PACRG: variants seen among roughly 807,000 people sequenced by gnomAD.
PACRG encodes the protein parkin coregulated gene protein.
PACRG carries 29 observed loss-of-function variants against 29.7 expected under a neutral mutation model. The observed-to-expected ratio is 0.98, with a 90% CI of 0.73 to 1.33. The LOEUF is 1.33. Ranked by LOEUF, PACRG falls within the 40% of genes most tolerant of loss-of-function variation. The pLI, the probability that PACRG is intolerant of heterozygous loss-of-function variation, is 0.00. For missense variants in PACRG, 279 were observed against 316.2 expected, an observed-to-expected ratio of 0.88 and a Z score of 0.89; for synonymous variants, 116 against 118.7, an observed-to-expected ratio of 0.98 and a Z score of 0.15.
intron 4 of PACRG, among the ~76,000 whole-genome samples, chr6:163,260,237 C>A (rs1783270391): frequency 1.3e-5 from 2 of 152,240 alleles, no homozygotes. Flanking sequence ...CGATCGCTGG[C>A]ATGGGCTCTG....
intron 2 of PACRG, among the ~76,000 whole-genome samples, chr6:162,888,722 A>G (rs1425032265): frequency 2.0e-5 from 3 of 152,102 alleles, no homozygotes; most frequent in Non-Finnish European, 4.4e-5. Flanking sequence ...AAGCATTTCC[A>G]TAGCAGTCAT....
At chr6:163,177,014 G>A (rs1166821493) in intron 4 of PACRG, among the ~76,000 whole-genome samples, 5 of 152,168 alleles carry the variant, frequency 3.3e-5, no homozygotes, top group African/African-American at 1.2e-4. Flanking sequence ...AGGGAGTTGA[G>A]GTGGATTCAG....
intron 1 of PACRG, among the ~76,000 whole-genome samples, chr6:162,781,184 G>T (rs1480620757): frequency 6.6e-6 from 1 of 152,036 alleles, no homozygotes; most frequent in Admixed American, 6.5e-5. Context: ...TGAAACCTAT[G>T]ACACCTTGGG....
chr6:162,755,511 C>T (rs1485463137), intron 1 of PACRG, among the ~76,000 whole-genome samples: 2 of 152,110 alleles, frequency 1.3e-5, no homozygotes, highest in East Asian at 3.9e-4. Flanking sequence ...TCTCGGCTCA[C>T]TGCAACCTCT....
At chr6:162,947,339 T>TAGAATC (rs1799117609) in intron 2 of PACRG, among the ~76,000 whole-genome samples, 1 of 18,618 alleles carries the variant, frequency 5.4e-5, no homozygotes, top group Non-Finnish European at 2.2e-4. Context: ...TAATCATATA[T>TAGAATC]ATAATGATTA....
intron 2 of PACRG, among the ~76,000 whole-genome samples, chr6:163,013,583 A>G (rs1805815853): frequency 6.6e-6 from 1 of 152,186 alleles, no homozygotes; most frequent in Admixed American, 6.5e-5. Context: ...GAGGTCATGC[A>G]GTGGAAGGAA....
chr6:162,978,663 A>G (rs1584924013), intron 2 of PACRG, among the ~76,000 whole-genome samples: 1 of 152,120 alleles, frequency 6.6e-6, no homozygotes, highest in East Asian at 1.9e-4. Flanking sequence ...TTGCCCTTCT[A>G]AAAAAAACTG....
Position 163,283,807 on chromosome 6 carries a change from CAA to C in PACRG, c.614-31001_614-31000del, listed in dbSNP as rs11342579. Among the ~76,000 whole-genome samples the C allele has an allele frequency of 3.6e-3, 363 of 100,272 alleles. 7 individuals are homozygous for C. The South Asian group carries it at 0.048, about 13-fold the overall frequency. 65.8% of individuals were successfully genotyped at this position (100,272 alleles called of 152,430 possible). The stretch of plus-strand genomic sequence containing the variant: ...TGGGCGACAGAGCGAGACTCCGTCT[CAA>C]AAAAAAAAAAAAAAAAAATTTAGGC... On this transcript the variant is annotated intron_variant, in intron 4 of 4. Transcript: ENST00000366888.
chr6:162,772,474 AT>A (rs1783298057), intron 1 of PACRG, among the ~76,000 whole-genome samples: 1 of 152,210 alleles, frequency 6.6e-6, no homozygotes, highest in Non-Finnish European at 1.5e-5. Context: ...TTGGGAAACA[AT>A]TTTCTTGGAG....
chr6:162,782,518 T>G (rs1013195474), intron 1 of PACRG, among the ~76,000 whole-genome samples: 16 of 152,010 alleles, frequency 1.1e-4, no homozygotes, highest in Non-Finnish European at 2.4e-4. Context: ...ATTCAAATTT[T>G]AGATGATTTT....
intron 2 of PACRG, among the ~76,000 whole-genome samples, chr6:162,976,899 T>C (rs998518987): frequency 6.6e-6 from 1 of 151,870 alleles, no homozygotes; most frequent in African/African-American, 2.4e-5. Context: ...TGCATGAATA[T>C]AAAAAAATAC....
chr6:162,945,951 A>G (rs1798971099), intron 2 of PACRG, among the ~76,000 whole-genome samples: 1 of 152,204 alleles, frequency 6.6e-6, no homozygotes, highest in Non-Finnish European at 1.5e-5. Context: ...ATTAAAAAAT[A>G]TCTTGAAACA....
At chr6:163,293,752 G>A (rs916928131) in intron 4 of PACRG, among the ~76,000 whole-genome samples, 3 of 152,060 alleles carry the variant, frequency 2.0e-5, no homozygotes, top group African/African-American at 7.2e-5. Flanking sequence ...GGTATACAGG[G>A]AATATAGGTT....
At chr6:163,007,622 G>A (rs535445303) in intron 2 of PACRG, among the ~76,000 whole-genome samples, 11 of 152,288 alleles carry the variant, frequency 7.2e-5, no homozygotes, top group African/African-American at 2.6e-4. Flanking sequence ...GCTGGGCAGT[G>A]ACACCCTTCC....
intron 2 of PACRG, among the ~76,000 whole-genome samples, chr6:162,981,421 G>A (rs1802425125): frequency 6.6e-6 from 1 of 151,794 alleles, no homozygotes; most frequent in Non-Finnish European, 1.5e-5. Flanking sequence ...TATACATGCT[G>A]TTTTCATGAC....
intron 4 of PACRG, chr6:163,310,225 C>T (rs1050433099): frequency 6.6e-6 from 1 of 152,114 alleles, no homozygotes; most frequent in Admixed American, 6.5e-5. Flanking sequence ...CTAGGATCTC[C>T]GAGTGTCTTG....
chr6:163,138,576 C>T (rs529159015), intron 4 of PACRG, among the ~76,000 whole-genome samples: 1 of 152,294 alleles, frequency 6.6e-6, no homozygotes, highest in African/African-American at 2.4e-5. Context: ...ATGCGCAGTT[C>T]ACAATAGGGT....
At chr6:162,898,670 C>T (rs1411072568) in intron 2 of PACRG, among the ~76,000 whole-genome samples, 1 of 152,154 alleles carries the variant, frequency 6.6e-6, no homozygotes, top group East Asian at 1.9e-4. Context: ...ACCTACCTCA[C>T]AGGGATATTG....
intron 2 of PACRG, among the ~76,000 whole-genome samples, chr6:163,041,715 A>G (rs1412917841): frequency 3.3e-5 from 5 of 152,222 alleles, no homozygotes; most frequent in Non-Finnish European, 7.3e-5. Context: ...TTCAGCAACC[A>G]TATACTCGAG....
Sources: gnomAD v4.1 joint callset for allele counts (sites outside exome capture counted in the v4.1 genomes callset) on GRCh38, gnomAD v4.1.1 for gene constraint, MANE v1.5 for transcripts, NCBI Gene and HGNC (gene_info 2026-07-23, HGNC 2026-07-21) for gene names.